Variants in MFN2 observed in about 807,000 individuals in gnomAD.
MFN2 encodes mitofusin-2.
A neutral mutation model predicts 87.5 loss-of-function variants in MFN2; 43 were observed. The observed-to-expected ratio is 0.49, with a 90% CI of 0.38 to 0.63. The LOEUF (loss-of-function observed/expected upper bound fraction) is 0.63. Among genes scored for constraint, MFN2 ranks in the 30% least tolerant of loss-of-function variants. MFN2 has a pLI of 0.00. For missense variants in MFN2, 743 were observed against 972.8 expected (o/e 0.76, Z 3.14); for synonymous variants, 337 against 359.9 (o/e 0.94, Z 0.72).
At position 11,984,953 on chromosome 1, in the gene MFN2, C is replaced by T. The variant is rs116437117; in HGVS notation, c.-5+2839C>T. 8.3e-3 allele frequency among the ~76,000 whole-genome samples: 1,263 copies of T among 152,324 alleles called. 14 individuals carry two copies. Among genetic ancestry groups the T allele is most frequent in the African/African-American group, 0.029 (1,193 of 41,566 alleles). On this transcript the variant is annotated intron_variant, in intron 2 of 18. Coordinates refer to ENST00000235329, the MANE Select transcript of MFN2 (RefSeq NM_014874.4). ...GTTTCCCTGGGCTAGGTAGGCTGCT[C>T]CATCAAATTAATTGAACTCAAAGAG...
chr1:11,988,712 A>AT (rs1638540019), intron 2 of MFN2, among the ~76,000 whole-genome samples: 1 of 151,152 alleles, frequency 6.6e-6, no homozygotes, highest in African/African-American at 2.4e-5. Flanking sequence ...ATTTTGTTTT[A>AT]TTTTTTGAGA....
chr1:12,007,216 A>G lies in MFN2; in HGVS notation c.2036A>G (p.Tyr679Cys), dbSNP rs769482622. The change falls in exon 17 of 19, where the codon TAC (tyrosine) becomes TGC (cysteine). Residue 679 changes from tyrosine (Y) to cysteine (C), a missense_variant. Around this residue, in one of 3 missense-constraint regions of MFN2, gnomAD observed 571 missense variants for 670.7 expected, o/e 0.85. Coordinates refer to ENST00000235329, the MANE Select transcript of MFN2 (RefSeq NM_014874.4). Reference protein sequence around the residue: ...ASEKLQLVISYTGSNCSHQVQ... With the variant: ...ASEKLQLVISCTGSNCSHQVQ... ...GAGAAGCTGCAGCTTGTCATCAGCT[A>G]CACTGGCTCCAACTGCAGCCACCAA... The G allele has an allele frequency of 6.2e-7, 1 of 1,614,112 alleles. No homozygotes were observed. The highest frequency in any genetic ancestry group is 1.1e-5 in the South Asian group (1 of 91,086).
At chr1:11,989,992 C>CCTTCTAAAGGACA (rs1553141125) in intron 3 of MFN2, among the ~76,000 whole-genome samples, 1 of 152,192 alleles carries the variant, frequency 6.6e-6, no homozygotes, top group Admixed American at 6.5e-5. Flanking sequence ...GGCGCCAGGT[C>CCTTCTAAAGGACA]CTGAGATTGT....
intron 18 of MFN2, among the ~76,000 whole-genome samples, chr1:12,010,269 T>C (rs1639634029): frequency 6.6e-6 from 1 of 152,228 alleles, no homozygotes; most frequent in Admixed American, 6.5e-5. Context: ...GAAGGCATGA[T>C]GGCATCACAG....
At chr1:11,997,276 C>A in intron 5 of MFN2, 21 bp from the exon 6 acceptor site, 1 of 1,613,900 alleles carries the variant, frequency 6.2e-7, no homozygotes, top group Non-Finnish European at 8.5e-7. Context: ...CAGCCTCTTT[C>A]TTTCCTTCCT....
intron 2 of MFN2, among the ~76,000 whole-genome samples, chr1:11,984,332 T>A (rs1352744024): frequency 3.3e-5 from 5 of 152,040 alleles, no homozygotes; most frequent in African/African-American, 1.2e-4. Flanking sequence ...GTTGGCGGAG[T>A]TGCCTCTGCC....
At chr1:12,005,958 C>T (rs1287308695) in intron 15 of MFN2, 27 bp downstream of exon 15, 19 of 1,604,124 alleles carry the variant, frequency 1.2e-5, no homozygotes, top group Non-Finnish European at 1.5e-5. Context: ...ACCTCAAGGG[C>T]ATTGTGGGGG....
intron 3 of MFN2, among the ~76,000 whole-genome samples, chr1:11,990,991 C>A (rs569899807): frequency 6.6e-6 from 1 of 152,318 alleles, no homozygotes; most frequent in African/African-American, 2.4e-5. Flanking sequence ...GTTCTCAGGG[C>A]TGGGGCCTGT....
Position 12,003,780 on chromosome 1 carries a change from C to T in MFN2, c.1161-212C>T, listed in dbSNP as rs1557529746. On this transcript the variant is annotated intron_variant, in intron 11 of 18. Transcript: ENST00000235329. This position sits in a 1 kb window ranked among gnomAD's most constrained non-coding sequence, Gnocchi z 4.1. ...AAGCGCCCTCCCTGTTTTGTGCCCA[C>T]CACCTGACCCACATCGAAGACTGAA... Among the ~76,000 whole-genome samples, 1 of 152,214 alleles carries T rather than the reference C, an allele frequency of 6.6e-6. No homozygotes were observed. Among genetic ancestry groups the T allele is most frequent in the Non-Finnish European group, 1.5e-5 (1 of 68,048 alleles).
rs917960506 is a variant in MFN2, at chr1:12,009,806, G to A, written c.2204+80G>A. Reference sequence around the variant, plus strand: ...ACTGGGGCTCAGCTGCTGGGCTTGCGTCTTGGGTGTGGACACAAATTTTTC... The same window carrying A: ...ACTGGGGCTCAGCTGCTGGGCTTGCATCTTGGGTGTGGACACAAATTTTTC... On this transcript the variant is annotated intron_variant, in intron 18 of 18. Coordinates refer to ENST00000235329, the MANE Select transcript of MFN2 (RefSeq NM_014874.4). 2.6e-5 allele frequency: 41 copies of A among 1,600,582 alleles called. No homozygotes were observed. In the African/African-American group the frequency reaches 2.7e-4, roughly 10 times the overall value.
intron 2 of MFN2, among the ~76,000 whole-genome samples, chr1:11,983,581 T>C (rs1319414613): frequency 6.6e-6 from 1 of 152,166 alleles, no homozygotes; most frequent in East Asian, 1.9e-4. Flanking sequence ...CAGGCTATGC[T>C]TGCAGGATGG....
In MFN2 at chr1:12,007,116, G is replaced by C. The variant is rs754683866; in HGVS notation, c.1936G>C (p.Val646Leu). 1 of 1,614,210 alleles carries C rather than the reference G, an allele frequency of 6.2e-7. No individual in the cohort carries two copies. Among genetic ancestry groups the C allele is most frequent in the Non-Finnish European group, 8.5e-7 (1 of 1,180,040 alleles). Residue 646 changes from valine to leucine, a missense_variant, in exon 17 of 19, where the codon GTC becomes CTC. Physicochemically the swap from Val to Leu is conservative, Grantham distance 32. Coordinates refer to ENST00000235329, the MANE Select transcript of MFN2 (RefSeq NM_014874.4). ...LSFGLYGLLY[V>L]YERLTWTTKA... ...CTTTGGGCTCTATGGCCTCCTCTAC[G>C]TCTATGAGCGTCTGACCTGGACCAC...
At chr1:11,992,979 T>TTA (rs60603721) in intron 4 of MFN2, among the ~76,000 whole-genome samples, 3 of 151,168 alleles carry the variant, frequency 2.0e-5, no homozygotes, top group East Asian at 3.9e-4. Flanking sequence ...TTTTTTTTTT[T>TTA]ATTTTCTAAT....
intron 3 of MFN2, 60 bp from the exon 4 acceptor site, chr1:11,992,495 A>C: frequency 6.2e-7 from 1 of 1,611,058 alleles, no homozygotes; most frequent in South Asian, 1.1e-5. Context: ...GCCCTTCCAG[A>C]CTTGGGACTG....
intron 5 of MFN2, among the ~76,000 whole-genome samples, chr1:11,996,743 T>C (rs1638923827): frequency 6.6e-6 from 1 of 152,080 alleles, no homozygotes; most frequent in Non-Finnish European, 1.5e-5. Context: ...ATTTGCTTCA[T>C]AAAGAATCAA....
At chr1:11,998,946 C>A (rs1181707568) in intron 7 of MFN2, 42 bp from the exon 8 acceptor site, 2 of 1,611,914 alleles carry the variant, frequency 1.2e-6, no homozygotes, top group Admixed American at 1.7e-5. Context: ...GGGGCCTTGG[C>A]TGTCAAGCTC....
intron 3 of MFN2, among the ~76,000 whole-genome samples, chr1:11,991,880 C>T (rs556259186): frequency 2.3e-5 from 3 of 129,412 alleles, no homozygotes; most frequent in South Asian, 2.8e-4. Flanking sequence ...GCCCAGATCC[C>T]GCCACTGCAC....
intron 18 of MFN2, among the ~76,000 whole-genome samples, chr1:12,010,003 G>T (rs1639620461): frequency 6.6e-6 from 1 of 152,150 alleles, no homozygotes; most frequent in Non-Finnish European, 1.5e-5. Flanking sequence ...AAAATACAAA[G>T]ATTAGCTGGT....
rs1029955547 is a variant in MFN2, at chr1:12,003,482, C to T, written c.1161-510C>T. On this transcript the variant is annotated intron_variant, in intron 11 of 18. Coordinates refer to ENST00000235329, the MANE Select transcript of MFN2 (RefSeq NM_014874.4). This position sits in a 1 kb window ranked among gnomAD's most constrained non-coding sequence, Gnocchi z 4.1. Reference sequence around the variant, plus strand: ...GAGTTCAAGACCAGCCTGACCAACACGGAGAAACCCTGTCTCTGCTAAAAA... The same window carrying T: ...GAGTTCAAGACCAGCCTGACCAACATGGAGAAACCCTGTCTCTGCTAAAAA... Among the ~76,000 whole-genome samples, 4 of 152,176 alleles carry T rather than the reference C, an allele frequency of 2.6e-5. No individual in the cohort carries two copies. Among genetic ancestry groups the T allele is most frequent in the African/African-American group, 7.2e-5 (3 of 41,454 alleles).
Sources: gnomAD v4.1 joint callset for allele counts (sites outside exome capture counted in the v4.1 genomes callset) on GRCh38, gnomAD v4.1.1 for gene constraint, gnomAD v4.1.1 regional missense constraint, Gnocchi (gnomAD v3.1) non-coding constraint, MANE v1.5 for transcripts, NCBI Gene and HGNC (gene_info 2026-07-23, HGNC 2026-07-21) for gene names.